CLASP2: variants seen among roughly 807,000 people sequenced by gnomAD.
CLASP2 encodes cytoplasmic linker associated protein 2.
CLASP2 carries 47 observed loss-of-function variants against 194.4 expected under a neutral mutation model. That is an observed-to-expected ratio of 0.24 (90% confidence interval 0.19 to 0.31). The LOEUF is 0.31. Ranked by LOEUF, CLASP2 falls within the 10% of genes least tolerant of loss-of-function variation. The pLI is 1.00. For missense variants in CLASP2, 1,445 were observed against 1,823.6 expected, an observed-to-expected ratio of 0.79 and a Z score of 3.78; for synonymous variants, 619 against 633.5, an observed-to-expected ratio of 0.98 and a Z score of 0.34.
rs1198140907 is a variant in CLASP2, at chr3:33,565,811, C to CA, written c.2766+920dup. 1.2e-4 allele frequency among the ~76,000 whole-genome samples: 17 copies of CA among 144,244 alleles called. No individual in the cohort carries two copies. The East Asian group carries it at 2.4e-3, about 21-fold the overall frequency. 94.6% of individuals were successfully genotyped at this position (144,244 alleles called of 152,430 possible). A position where few individuals can be genotyped will look rare whatever the true frequency, so the allele number is the denominator to read the frequency against. On this transcript the variant is annotated intron_variant, in intron 27 of 38. Coordinates refer to ENST00000682230, the MANE Select transcript of CLASP2 (RefSeq NM_001365631.1). ...TGGGTGAAAGAGCGAGACTCCGTCT[C>CA]AAAAAAAAGAAAAAAAAATACAGTA...
At chr3:33,543,687 T>C (rs1293213265) in intron 31 of CLASP2, 148 bp from the exon 32 acceptor site, 2 of 561,780 alleles carry the variant, frequency 3.6e-6, no homozygotes, top group Non-Finnish European at 6.4e-6. Flanking sequence ...TACTTACGTC[T>C]GGTTTCCAGG....
intron 13 of CLASP2, among the ~76,000 whole-genome samples, chr3:33,609,861 C>G (rs1238363710): frequency 6.6e-6 from 1 of 152,148 alleles, no homozygotes; most frequent in African/African-American, 2.4e-5. Context: ...CAAATCTACT[C>G]TTTTAGCTCA....
At position 33,633,915 on chromosome 3, in the gene CLASP2, T is replaced by C. The variant is rs182062219; in HGVS notation, c.863-1544A>G. On this transcript the variant is annotated intron_variant, in intron 8 of 38. Coordinates refer to ENST00000682230, the MANE Select transcript of CLASP2 (RefSeq NM_001365631.1). The stretch of plus-strand genomic sequence containing the variant: ...GAATATCTAACTAACATATGTCTAT[T>C]GGGGTGTCTTAAAGATATTTAACAA... Among the ~76,000 whole-genome samples the C allele has an allele frequency of 1.7e-3, 255 of 152,256 alleles. 1 individual carries two copies. The highest frequency in any genetic ancestry group is 5.5e-3 in the African/African-American group (230 of 41,562).
At chr3:33,580,445 C>T (rs1196204412) in intron 23 of CLASP2, among the ~76,000 whole-genome samples, 1 of 152,008 alleles carries the variant, frequency 6.6e-6, no homozygotes, top group Non-Finnish European at 1.5e-5. Flanking sequence ...TGCCTGTAAT[C>T]CCAGCTACTC....
intron 1 of CLASP2, among the ~76,000 whole-genome samples, chr3:33,707,892 C>G (rs560489990): frequency 6.6e-6 from 1 of 152,122 alleles, no homozygotes; most frequent in African/African-American, 2.4e-5. Context: ...TTGACTCTTG[C>G]AGGCAGAATA....
chr3:33,515,183 A>G (rs1227172450), intron 36 of CLASP2, among the ~76,000 whole-genome samples: 1 of 152,176 alleles, frequency 6.6e-6, no homozygotes, highest in Non-Finnish European at 1.5e-5. Flanking sequence ...ACTTATTCAT[A>G]TAACCAAACA....
At chr3:33,662,782 T>C (rs1314876718) in intron 7 of CLASP2, among the ~76,000 whole-genome samples, 1 of 152,178 alleles carries the variant, frequency 6.6e-6, no homozygotes, top group Admixed American at 6.5e-5. Flanking sequence ...GAATATATTC[T>C]TTACATATAT....
chr3:33,508,771 A>C (rs994546072), intron 37 of CLASP2, among the ~76,000 whole-genome samples: 5 of 152,236 alleles, frequency 3.3e-5, no homozygotes, highest in Admixed American at 1.3e-4. Context: ...TTTATTAACC[A>C]ATTTTGGGAA....
chr3:33,622,919 G>A (rs970285904), intron 10 of CLASP2, among the ~76,000 whole-genome samples: 1 of 151,252 alleles, frequency 6.6e-6, no homozygotes, highest in African/African-American at 2.4e-5. Context: ...AGTGGTTTTC[G>A]TGCCTCAGCC....
chr3:33,568,675 C>T (rs922973735), intron 26 of CLASP2, among the ~76,000 whole-genome samples: 2 of 151,648 alleles, frequency 1.3e-5, no homozygotes, highest in African/African-American at 4.9e-5. Context: ...TTAAGGGTGC[C>T]TTCATGCTAT....
At chr3:33,570,082 C>T (rs551362673) in intron 26 of CLASP2, among the ~76,000 whole-genome samples, 29 of 152,154 alleles carry the variant, frequency 1.9e-4, no homozygotes, top group Non-Finnish European at 4.0e-4. Context: ...TTGCTGGAAA[C>T]AGAATATGTG....
chr3:33,703,566 T>C (rs1323099375), intron 1 of CLASP2, among the ~76,000 whole-genome samples: 2 of 152,254 alleles, frequency 1.3e-5, no homozygotes, highest in African/African-American at 2.4e-5. Context: ...TTCCCCCATA[T>C]GATCCAATGA....
intron 21 of CLASP2, among the ~76,000 whole-genome samples, chr3:33,587,404 G>A (rs2067653302): frequency 6.6e-6 from 1 of 152,158 alleles, no homozygotes; most frequent in African/African-American, 2.4e-5. Context: ...GATTACAGGC[G>A]TGAGCCACCG....
intron 10 of CLASP2, among the ~76,000 whole-genome samples, chr3:33,624,321 ATAT>A (rs2077613574): frequency 6.6e-6 from 1 of 152,172 alleles, no homozygotes. Context: ...AATCAAAAGA[ATAT>A]TATATAATCT....
chr3:33,671,332 A>T (rs549057906), intron 6 of CLASP2, among the ~76,000 whole-genome samples: 1 of 151,920 alleles, frequency 6.6e-6, no homozygotes, highest in South Asian at 2.1e-4. Flanking sequence ...TCCAACTATT[A>T]AAAAAAAATT....
intron 25 of CLASP2, 46 bp from the exon 26 acceptor site, chr3:33,570,836 A>AT: frequency 6.9e-7 from 1 of 1,458,104 alleles, no homozygotes; most frequent in Non-Finnish European, 9.2e-7. Flanking sequence ...CTGTAGCAAG[A>AT]AGTCATGTAA....
chr3:33,497,905 A>G lies in CLASP2; in HGVS notation c.*726T>C, dbSNP rs1375572216. ...ATTTCAGTAAGTATCAAGAAAAAAC[A>G]GGCAGATGATTTGGTGCAGCTTTCT... On this transcript the variant is annotated 3_prime_UTR_variant, in exon 39 of 39. Transcript: ENST00000682230. 1 of 152,692 alleles carries G rather than the reference A, an allele frequency of 6.5e-6. No individual in the cohort carries two copies. The highest frequency in any genetic ancestry group is 1.5e-5 in the Non-Finnish European group (1 of 68,048). 9.5% of individuals were successfully genotyped at this position (152,692 alleles called of 1,614,324 possible). A position where few individuals can be genotyped will look rare whatever the true frequency, so the allele number is the denominator to read the frequency against.
intron 27 of CLASP2, among the ~76,000 whole-genome samples, chr3:33,562,514 T>C (rs1478579327): frequency 6.6e-6 from 1 of 152,230 alleles, no homozygotes; most frequent in African/African-American, 2.4e-5. Context: ...TTGTTAAATA[T>C]TCAGGAATCT....
intron 8 of CLASP2, among the ~76,000 whole-genome samples, chr3:33,642,583 T>A (rs1383690385): frequency 6.6e-6 from 1 of 151,918 alleles, no homozygotes; most frequent in Non-Finnish European, 1.5e-5. Flanking sequence ...AGTTGAATAA[T>A]CATCTATCAG....
Sources: gnomAD v4.1 joint callset for allele counts (sites outside exome capture counted in the v4.1 genomes callset) on GRCh38, gnomAD v4.1.1 for gene constraint, MANE v1.5 for transcripts, NCBI Gene and HGNC (gene_info 2026-07-23, HGNC 2026-07-21) for gene names.